The following TRPM3 variants were observed in gnomAD, a reference collection of about 807,000 sequenced individuals.
TRPM3 encodes long transient receptor potential channel 3.
In TRPM3, 77 loss-of-function variants were observed where a neutral mutation model predicts 181.2. The observed-to-expected ratio is 0.42, with a 90% confidence interval of 0.35 to 0.51. TRPM3 has a LOEUF of 0.51. Ranked by LOEUF, TRPM3 falls within the 20% of genes least tolerant of loss-of-function variation. TRPM3 has a pLI of 0.01. For missense variants in TRPM3, 1,759 were observed against 2,196.7 expected (o/e 0.80, Z 3.98); for synonymous variants, 745 against 796.4 (o/e 0.94, Z 1.09).
chr9:71,210,978 C>T (rs996908655), intron 1 of TRPM3, among the ~76,000 whole-genome samples: 1 of 152,176 alleles, frequency 6.6e-6, no homozygotes, highest in Non-Finnish European at 1.5e-5. Context: ...TAGGGCTCCA[C>T]CCTATGACCT....
chr9:70,877,325 A>T (rs1264858817), intron 1 of TRPM3, among the ~76,000 whole-genome samples: 1 of 151,806 alleles, frequency 6.6e-6, no homozygotes, highest in Non-Finnish European at 1.5e-5. Flanking sequence ...ACTGCTCCAA[A>T]TAAAAAAGAT....
chr9:70,914,047 G>C (rs910763040), intron 1 of TRPM3, among the ~76,000 whole-genome samples: 1 of 152,216 alleles, frequency 6.6e-6, no homozygotes, highest in Non-Finnish European at 1.5e-5. Context: ...TGGTTTGAAT[G>C]TGTGTCCTTT....
At chr9:70,573,742 T>C (rs2053094191) in intron 22 of TRPM3, among the ~76,000 whole-genome samples, 1 of 152,190 alleles carries the variant, frequency 6.6e-6, no homozygotes, top group Admixed American at 6.5e-5. Context: ...GGGGCCATGC[T>C]GCCCATCAAG....
At chr9:70,602,268 C>T (rs886961677) in intron 20 of TRPM3, among the ~76,000 whole-genome samples, 1 of 151,920 alleles carries the variant, frequency 6.6e-6, no homozygotes, top group Non-Finnish European at 1.5e-5. Flanking sequence ...TTTTATGATC[C>T]CAATACAACT....
chr9:71,131,604 T>A (rs963371485), intron 1 of TRPM3, among the ~76,000 whole-genome samples: 1 of 152,186 alleles, frequency 6.6e-6, no homozygotes, highest in African/African-American at 2.4e-5. Flanking sequence ...CATTTAGCAT[T>A]CCTTATGGTG....
intron 1 of TRPM3, among the ~76,000 whole-genome samples, chr9:71,021,273 T>C (rs912203858): frequency 6.6e-6 from 1 of 152,224 alleles, no homozygotes; most frequent in Non-Finnish European, 1.5e-5. Context: ...GAGGTGCTGG[T>C]ATTGTTTTAT....
rs1470039378 is a variant in TRPM3 at position 70,530,585 on chromosome 9, G to A, written c.*5368C>T. 1.3e-5 allele frequency: 2 copies of A among 152,286 alleles called. No individual in the cohort carries two copies. Among genetic ancestry groups the A allele is most frequent in the East Asian group, 3.9e-4 (2 of 5,180 alleles). The allele number at this position is 152,286 out of a possible 1,614,324, so 9.4% of individuals were successfully genotyped here. A position where few individuals can be genotyped will look rare whatever the true frequency, so the allele number is the denominator to read the frequency against. On this transcript the variant is annotated 3_prime_UTR_variant, in exon 26 of 26. Transcript: ENST00000677713. ...ATTCTTATTGCCATCTGGATTACCT[G>A]GTCACCAAAATCCTCTCTTAGATGA...
chr9:71,410,618 A>C (rs75733643), intron 1 of TRPM3, among the ~76,000 whole-genome samples: 2,292 of 152,310 alleles, frequency 0.015, 53 homozygotes, highest in East Asian at 0.085. Context: ...AGTAATTAAT[A>C]GCCTACCAAC....
chr9:71,257,044 T>C (rs1046910822), intron 1 of TRPM3, among the ~76,000 whole-genome samples: 3 of 152,204 alleles, frequency 2.0e-5, no homozygotes, highest in Admixed American at 1.3e-4. Context: ...ATGTACCATC[T>C]TTAACATGTG....
chr9:70,581,104 C>T (rs1368867316), intron 22 of TRPM3, among the ~76,000 whole-genome samples: 1 of 152,168 alleles, frequency 6.6e-6, no homozygotes, highest in African/African-American at 2.4e-5. Context: ...GAGATATATA[C>T]ACAGAAGAGT....
At chr9:71,396,649 T>C (rs2093202539) in intron 1 of TRPM3, among the ~76,000 whole-genome samples, 1 of 149,070 alleles carries the variant, frequency 6.7e-6, no homozygotes, top group Admixed American at 6.7e-5. Flanking sequence ...AACTTTGGAA[T>C]AAAATTCCTC....
intron 7 of TRPM3, among the ~76,000 whole-genome samples, chr9:70,763,066 T>C (rs1749375686): frequency 6.6e-6 from 1 of 152,190 alleles, no homozygotes; most frequent in African/African-American, 2.4e-5. Flanking sequence ...CTGAACTCAC[T>C]AGGTTGGATA....
chr9:70,931,655 T>C (rs185880241), intron 1 of TRPM3, among the ~76,000 whole-genome samples: 1 of 151,840 alleles, frequency 6.6e-6, no homozygotes, highest in East Asian at 1.9e-4. Flanking sequence ...AAAGAAAAAA[T>C]TGGTCTCTGG....
At chr9:70,800,172 CA>C (rs2057416114) in intron 6 of TRPM3, among the ~76,000 whole-genome samples, 1 of 152,082 alleles carries the variant, frequency 6.6e-6, no homozygotes, top group South Asian at 2.1e-4. Context: ...AAAGAAAAAA[CA>C]ACTGCAACAT....
intron 1 of TRPM3, among the ~76,000 whole-genome samples, chr9:71,109,499 A>C (rs1333483132): frequency 1.3e-5 from 2 of 152,228 alleles, no homozygotes; most frequent in African/African-American, 4.8e-5. Flanking sequence ...AACTATACGC[A>C]AACACAAACA....
chr9:70,760,211 A>T (rs2077852309), intron 8 of TRPM3, among the ~76,000 whole-genome samples: 1 of 151,796 alleles, frequency 6.6e-6, no homozygotes, highest in Non-Finnish European at 1.5e-5. Flanking sequence ...TTTTGCTCCT[A>T]GCTGCCTTTC....
chr9:71,241,616 T>C (rs1333168336), intron 1 of TRPM3, among the ~76,000 whole-genome samples: 2 of 152,062 alleles, frequency 1.3e-5, no homozygotes, highest in Non-Finnish European at 2.9e-5. Context: ...CTGCATGTTG[T>C]GCACATGTAC....
At chr9:70,744,710 C>T (rs2074829737) in intron 8 of TRPM3, among the ~76,000 whole-genome samples, 1 of 152,080 alleles carries the variant, frequency 6.6e-6, no homozygotes, top group South Asian at 2.1e-4. Flanking sequence ...GAAGGTATTC[C>T]AAGAATACCA....
chr9:71,210,582 G>A (rs1012021041), intron 1 of TRPM3, among the ~76,000 whole-genome samples: 1 of 152,006 alleles, frequency 6.6e-6, no homozygotes, highest in Admixed American at 6.6e-5. Context: ...CCAGAGTTTT[G>A]ACCCATTTAA....
Sources: allele counts gnomAD v4.1 joint callset (sites outside exome capture counted in the v4.1 genomes callset), GRCh38; gene constraint gnomAD v4.1.1; transcripts MANE v1.5; gene names NCBI Gene and HGNC (gene_info 2026-07-23, HGNC 2026-07-21).